The following FAT4 variants were observed in gnomAD, a reference collection of about 807,000 sequenced individuals.
FAT4 encodes protocadherin Fat 4.
In FAT4, 84 loss-of-function variants were observed where a neutral mutation model predicts 303.9. That is an observed-to-expected ratio of 0.28 (90% confidence interval 0.23 to 0.33). The LOEUF is 0.33. Ranked by LOEUF, FAT4 falls within the 10% of genes least tolerant of loss-of-function variation. The pLI, the probability that FAT4 is intolerant of heterozygous loss-of-function variation, is 1.00. For missense variants in FAT4, 6,005 were observed against 6,146.8 expected (o/e 0.98, Z 0.77); for synonymous variants, 2,307 against 2,298.8 (o/e 1.00, Z -0.10).
At chr4:125,420,041 G>T (rs1033666849) in intron 7 of FAT4, among the ~76,000 whole-genome samples, 1 of 152,156 alleles carries the variant, frequency 6.6e-6, no homozygotes, top group Non-Finnish European at 1.5e-5. Context: ...AGGGAGAAGG[G>T]CATCCATGTC....
chr4:125,316,456 G>A lies in FAT4; in HGVS notation c.45G>A (p.Pro15=), dbSNP rs1009458431. The A allele has an allele frequency of 1.2e-6, 2 of 1,613,724 alleles. No individual in the cohort carries two copies. The highest frequency in any genetic ancestry group is 1.7e-6 in the Non-Finnish European group (2 of 1,179,942). The change falls in exon 2 of 18, where the codon CCG becomes CCA. Residue 15 remains proline (P), a synonymous_variant. Coordinates refer to ENST00000394329, the MANE Select transcript of FAT4 (RefSeq NM_001291303.3). This position sits in a 1 kb window ranked among gnomAD's most constrained non-coding sequence, Gnocchi z 5.7. Reference sequence around the variant, plus strand: ...GGGCTACTGGCCGCCCGTGGCTCCCGTTGCACACTCTATCAGTATCTCAGC... The same window carrying A: ...GGGCTACTGGCCGCCCGTGGCTCCCATTGCACACTCTATCAGTATCTCAGC... ...PDRATGRPWL[P]LHTLSVSQLL... is the part of the protein sequence containing the mutation.
At position 125,450,255 on chromosome 4, in the gene FAT4, C is replaced by G. The variant is rs971599524; in HGVS notation, c.9245C>G (p.Thr3082Ser). The G allele has an allele frequency of 6.2e-7, 1 of 1,613,978 alleles. No individual in the cohort carries two copies. Among genetic ancestry groups the G allele is most frequent in the African/African-American group, 1.3e-5 (1 of 74,918 alleles). ...SSQATVHITV[T>S]EENYHTPEFS... The stretch of plus-strand genomic sequence containing the variant: ...CAAGCAACTGTTCACATAACTGTCA[C>G]TGAGGAAAACTACCATACACCTGAA... The change falls in exon 10 of 18, where the codon ACT (threonine) becomes AGT (serine). Residue 3082 changes from threonine (T) to serine (S), a missense_variant. Transcript: ENST00000394329.
intron 2 of FAT4, among the ~76,000 whole-genome samples, chr4:125,361,517 G>A (rs1364403453): frequency 6.6e-6 from 1 of 152,084 alleles, no homozygotes; most frequent in African/African-American, 2.4e-5. Flanking sequence ...GAGGTGATCT[G>A]ACAAGTGTTC....
intron 7 of FAT4, among the ~76,000 whole-genome samples, chr4:125,430,292 TG>T (rs1179508815): frequency 2.0e-5 from 3 of 152,214 alleles, no homozygotes; most frequent in Non-Finnish European, 2.9e-5. Context: ...GTCACTCATC[TG>T]GCACAAATGC....
At chr4:125,402,675 G>T (rs1452936914) in intron 3 of FAT4, among the ~76,000 whole-genome samples, 1 of 151,918 alleles carries the variant, frequency 6.6e-6, no homozygotes, top group Non-Finnish European at 1.5e-5. Flanking sequence ...TTATATGTTT[G>T]ACCATGAAGG....
intron 10 of FAT4, among the ~76,000 whole-genome samples, chr4:125,458,546 C>T (rs573425445): frequency 6.6e-6 from 1 of 151,844 alleles, no homozygotes; most frequent in South Asian, 2.1e-4. Flanking sequence ...ATAAAGAGTG[C>T]AATTATTTTT....
chr4:125,464,645 T>TCTCCTAATGCTATCC (rs1351040920), intron 11 of FAT4, among the ~76,000 whole-genome samples: 1 of 152,188 alleles, frequency 6.6e-6, no homozygotes, highest in African/African-American at 2.4e-5. Context: ...ATTAGGTATT[T>TCTCCTAATGCTATCC]CTCCTAATGC....
At chr4:125,366,471 T>C (rs922155767) in intron 2 of FAT4, among the ~76,000 whole-genome samples, 1 of 152,136 alleles carries the variant, frequency 6.6e-6, no homozygotes, top group African/African-American at 2.4e-5. Flanking sequence ...GGTGTGTATG[T>C]ACTATATATA....
At chr4:125,424,222 C>G (rs1725006287) in intron 7 of FAT4, among the ~76,000 whole-genome samples, 2 of 152,108 alleles carry the variant, frequency 1.3e-5, no homozygotes, top group South Asian at 4.1e-4. Flanking sequence ...TTGTAGTTCC[C>G]TTAATCCCCA....
chr4:125,410,087 AG>A (rs1734786355), intron 5 of FAT4, among the ~76,000 whole-genome samples: 1 of 152,180 alleles, frequency 6.6e-6, no homozygotes, highest in Non-Finnish European at 1.5e-5. Flanking sequence ...AGAAGCAAAA[AG>A]GACAGTATTT....
rs150429788 is a variant in FAT4, at chr4:125,430,000, G to A, written c.7019-4245G>A. Among the ~76,000 whole-genome samples the A allele has an allele frequency of 1.9e-4, 29 of 152,238 alleles. 1 individual carries two copies. The highest frequency in any genetic ancestry group is 4.3e-4 in the Non-Finnish European group (29 of 68,022). On this transcript the variant is annotated intron_variant, in intron 7 of 17. Coordinates refer to ENST00000394329, the MANE Select transcript of FAT4 (RefSeq NM_001291303.3). ...AAAAGGAAGGGTTACATCACACACC[G>A]GGTTCTGTCCTGGGGTGGGATGAGG...
At chr4:125,322,356 A>G (rs746099502) in intron 2 of FAT4, among the ~76,000 whole-genome samples, 19 of 152,200 alleles carry the variant, frequency 1.2e-4, no homozygotes, top group Non-Finnish European at 2.5e-4. Context: ...TTCATAGCAT[A>G]AGCCAAAAGA....
rs896599310 is a variant in FAT4, at chr4:125,369,198, A to C, written c.5176-29586A>C. Among the ~76,000 whole-genome samples the C allele has an allele frequency of 3.3e-5, 5 of 152,188 alleles. No individual in the cohort carries two copies. The East Asian group carries it at 9.6e-4, about 29-fold the overall frequency. On this transcript the variant is annotated intron_variant, in intron 2 of 17. Transcript: ENST00000394329. ...CTTAAGTGAGATGCAGTTTCAGGTA[A>C]ATAACATAAAATCAGCAGACCTCTA...
At position 125,481,755 on chromosome 4, in the gene FAT4, T is replaced by C. The variant is rs1219112389; in HGVS notation, c.12822+17T>C. ...ACTGTGAAGGTGAGATAAAAGCTAA[T>C]GGTGACTTCATTTGATTAGACCGCC... On this transcript the variant is annotated intron_variant, in intron 16 of 17. Transcript: ENST00000394329. 1.5e-5 allele frequency: 24 copies of C among 1,608,606 alleles called. No homozygotes were observed. In the Admixed American group the frequency reaches 3.8e-4, roughly 26 times the overall value.
intron 2 of FAT4, among the ~76,000 whole-genome samples, chr4:125,363,310 A>G (rs951510655): frequency 2.6e-5 from 4 of 151,802 alleles, no homozygotes; most frequent in Non-Finnish European, 4.4e-5. Flanking sequence ...AGCAAATAGA[A>G]GTGAATATAT....
At chr4:125,482,618 A>T (rs1727267910) in intron 16 of FAT4, among the ~76,000 whole-genome samples, 1 of 152,172 alleles carries the variant, frequency 6.6e-6, no homozygotes, top group Non-Finnish European at 1.5e-5. Context: ...AATTCTTAAG[A>T]TAACAAATCC....
At chr4:125,475,837 G>A (rs72916939) in intron 12 of FAT4, among the ~76,000 whole-genome samples, 1 of 151,992 alleles carries the variant, frequency 6.6e-6, no homozygotes, top group African/African-American at 2.4e-5. Context: ...GTAATCTACA[G>A]GAAGATGTTT....
chr4:125,328,120 T>C (rs910174718), intron 2 of FAT4, among the ~76,000 whole-genome samples: 18 of 152,288 alleles, frequency 1.2e-4, no homozygotes, highest in Middle Eastern at 3.4e-3. Flanking sequence ...GTGTCCAATA[T>C]AGAATATGGT....
chr4:125,485,769 A>G lies in FAT4; in HGVS notation c.12823-1576A>G, dbSNP rs925924971. 2.0e-5 allele frequency among the ~76,000 whole-genome samples: 3 copies of G among 152,296 alleles called. No individual in the cohort carries two copies. In the East Asian group the frequency reaches 5.8e-4, roughly 29 times the overall value. On this transcript the variant is annotated intron_variant, in intron 16 of 17. Coordinates refer to ENST00000394329, the MANE Select transcript of FAT4 (RefSeq NM_001291303.3). The stretch of plus-strand genomic sequence containing the variant: ...AATTGCATGTGATATACTTTTATAC[A>G]ACTGGCAGCTCAGTAGGCTTGCTTA...
Sources: gnomAD v4.1 joint callset for allele counts (sites outside exome capture counted in the v4.1 genomes callset) on GRCh38, gnomAD v4.1.1 for gene constraint, Gnocchi (gnomAD v3.1) non-coding constraint, MANE v1.5 for transcripts, NCBI Gene and HGNC (gene_info 2026-07-23, HGNC 2026-07-21) for gene names.